Variants in LHX4 observed in about 807,000 individuals in gnomAD.
LHX4 encodes the protein LIM homeobox 4.
In LHX4, 16 loss-of-function variants were observed where a neutral mutation model predicts 39.2. That is an observed-to-expected ratio of 0.41 (90% confidence interval 0.28 to 0.62). The LOEUF is 0.62. Among genes scored for constraint, LHX4 ranks in the 20% least tolerant of loss-of-function variants. The pLI is 0.33. For synonymous variants in LHX4, 206 were observed against 198.1 expected (o/e 1.04, Z -0.33); for missense variants, 439 against 511.9 (o/e 0.86, Z 1.37).
chr1:180,274,866 G>A lies in LHX4; in HGVS notation c.*287G>A, dbSNP rs918065001. Reference sequence around the variant, plus strand: ...GTCTCTCCCCTGCTGTTCTGCTTAGGGGCTTGGCTGCTCAGTGCTTTGGTA... The same window carrying A: ...GTCTCTCCCCTGCTGTTCTGCTTAGAGGCTTGGCTGCTCAGTGCTTTGGTA... On this transcript the variant is annotated 3_prime_UTR_variant, in exon 6 of 6. Transcript: ENST00000263726. 8 of 327,024 alleles carry A rather than the reference G, an allele frequency of 2.4e-5. No homozygotes were observed. Among genetic ancestry groups the A allele is most frequent in the Non-Finnish European group, 4.5e-5 (8 of 178,410 alleles). 20.3% of individuals were successfully genotyped at this position (327,024 alleles called of 1,614,324 possible).
At chr1:180,247,820 A>G (rs1178178742) in intron 1 of LHX4, among the ~76,000 whole-genome samples, 7 of 152,098 alleles carry the variant, frequency 4.6e-5, no homozygotes, top group Non-Finnish European at 8.8e-5. Context: ...GCTTTTCAGG[A>G]CAGATGGCCT....
chr1:180,265,073 T>A (rs753509507), intron 2 of LHX4, among the ~76,000 whole-genome samples: 16 of 152,238 alleles, frequency 1.1e-4, no homozygotes, highest in Non-Finnish European at 1.8e-4. Flanking sequence ...CCTATCATTC[T>A]GCATTAATCT....
chr1:180,242,279 A>G (rs1249067421), intron 1 of LHX4, among the ~76,000 whole-genome samples: 4 of 150,376 alleles, frequency 2.7e-5, no homozygotes, highest in African/African-American at 9.8e-5. Context: ...GTGTGTGTGT[A>G]CATGTGAGTA....
At chr1:180,263,846 C>G (rs1648206743) in intron 2 of LHX4, among the ~76,000 whole-genome samples, 1 of 152,156 alleles carries the variant, frequency 6.6e-6, no homozygotes. Context: ...GGTCTTCCCT[C>G]TGTTCCGGGG....
At chr1:180,264,549 A>G (rs368404154) in intron 2 of LHX4, among the ~76,000 whole-genome samples, 1 of 152,288 alleles carries the variant, frequency 6.6e-6, no homozygotes, top group African/African-American at 2.4e-5. Context: ...TTTGTTCTAC[A>G]TCCTCAGGTT....
At chr1:180,238,043 G>A (rs1001665829) in intron 1 of LHX4, among the ~76,000 whole-genome samples, 20 of 152,094 alleles carry the variant, frequency 1.3e-4, no homozygotes, top group East Asian at 1.2e-3. Context: ...TACTAATTAC[G>A]TGACAATATA....
intron 2 of LHX4, among the ~76,000 whole-genome samples, chr1:180,258,883 T>G (rs66712875): frequency 6.6e-6 from 1 of 151,930 alleles, no homozygotes; most frequent in East Asian, 1.9e-4. Flanking sequence ...TGCTGACAGA[T>G]CAGATGGGGA....
In LHX4 at chr1:180,271,869, G is replaced by A. The variant is rs763867983; in HGVS notation, c.641G>A (p.Arg214His). ...WFQNRRAKEK[R>H]LKKDAGRHRW... ...CAGAACAGAAGGGCCAAAGAGAAAC[G>A]CCTGAAGAAGGATGCAGGGCGGCAC... The change falls in exon 5 of 6, where the codon CGC (arginine) becomes CAC (histidine). Residue 214 changes from arginine (R) to histidine (H), a missense_variant. Arg to His is a conservative substitution (Grantham distance 29). Transcript: ENST00000263726. 1.9e-6 allele frequency: 3 copies of A among 1,613,644 alleles called. No homozygotes were observed. The highest frequency in any genetic ancestry group is 1.3e-5 in the African/African-American group (1 of 74,788).
chr1:180,269,259 C>T (rs1388286978), intron 3 of LHX4, among the ~76,000 whole-genome samples: 2 of 152,132 alleles, frequency 1.3e-5, no homozygotes, highest in East Asian at 1.9e-4. Context: ...AGAACGCTCT[C>T]TCCTAAATTA....
At chr1:180,262,158 A>G (rs1319272306) in intron 2 of LHX4, among the ~76,000 whole-genome samples, 2 of 152,058 alleles carry the variant, frequency 1.3e-5, no homozygotes, top group African/African-American at 2.4e-5. Context: ...ACCATGAGAT[A>G]GGAGAGTCTC....
rs894843494 is a variant in LHX4, at chr1:180,234,977, C to T, written c.76+4372C>T. Among the ~76,000 whole-genome samples, 1 of 152,204 alleles carries T rather than the reference C, an allele frequency of 6.6e-6. No individual in the cohort carries two copies. The highest frequency in any genetic ancestry group is 1.5e-5 in the Non-Finnish European group (1 of 68,040). On this transcript the variant is annotated intron_variant, in intron 1 of 5. Coordinates refer to ENST00000263726, the MANE Select transcript of LHX4 (RefSeq NM_033343.4). The surrounding 1 kb of genome is among the most constrained non-coding windows in gnomAD (Gnocchi z 4.8). The stretch of plus-strand genomic sequence containing the variant: ...CTTTAAATGAGCGTTTGCTGCGCAC[C>T]CATGGGCGGCTCACGATCCTGGGCA...
chr1:180,233,313 C>T (rs1234388295), intron 1 of LHX4, among the ~76,000 whole-genome samples: 3 of 152,258 alleles, frequency 2.0e-5, no homozygotes, highest in African/African-American at 7.2e-5. Flanking sequence ...CGCGCCGTAG[C>T]CCTCCTGGTT....
chr1:180,259,367 G>C (rs1286922264), intron 2 of LHX4, among the ~76,000 whole-genome samples: 1 of 152,018 alleles, frequency 6.6e-6, no homozygotes, highest in Non-Finnish European at 1.5e-5. Flanking sequence ...TGAAGCTAAT[G>C]ACACAGAAGG....
chr1:180,238,971 T>C (rs1448364441), intron 1 of LHX4, among the ~76,000 whole-genome samples: 1 of 152,188 alleles, frequency 6.6e-6, no homozygotes, highest in Admixed American at 6.5e-5. Flanking sequence ...AAAAGGGGAA[T>C]TGTGACCAGA....
Position 180,230,382 on chromosome 1 carries a change from C to T in LHX4, c.-148C>T. On this transcript the variant is annotated 5_prime_UTR_variant, in exon 1 of 6. Coordinates refer to ENST00000263726, the MANE Select transcript of LHX4 (RefSeq NM_033343.4). The surrounding 1 kb of genome is among the most constrained non-coding windows in gnomAD (Gnocchi z 5.8). ...GAGGGGGCCGGCCAGCCTGTGGAGTCCTCCCTGAGAAGCGGAGGGCCCGGC... is the reference window on the plus strand; with the variant it reads ...GAGGGGGCCGGCCAGCCTGTGGAGTTCTCCCTGAGAAGCGGAGGGCCCGGC... 2.8e-6 allele frequency: 2 copies of T among 703,490 alleles called. No individual in the cohort carries two copies. The highest frequency in any genetic ancestry group is 5.1e-6 in the Non-Finnish European group (2 of 395,682). The allele number at this position is 703,490 out of a possible 1,614,324, so 43.6% of individuals were successfully genotyped here. A position where few individuals can be genotyped will look rare whatever the true frequency, so the allele number is the denominator to read the frequency against.
chr1:180,264,384 C>CACACACACATA (rs1648229313), intron 2 of LHX4, among the ~76,000 whole-genome samples: 2 of 140,238 alleles, frequency 1.4e-5, no homozygotes, highest in Non-Finnish European at 3.2e-5. Flanking sequence ...ACATAACACA[C>CACACACACATA]ACACACACAC....
chr1:180,253,083 C>G (rs989414630), intron 2 of LHX4, among the ~76,000 whole-genome samples: 1 of 152,126 alleles, frequency 6.6e-6, no homozygotes, highest in African/African-American at 2.4e-5. Context: ...AGTTCAGTGG[C>G]GGCTTCAAAC....
chr1:180,257,694 C>T (rs1456665296), intron 2 of LHX4, among the ~76,000 whole-genome samples: 4 of 152,222 alleles, frequency 2.6e-5, no homozygotes, highest in South Asian at 4.1e-4. Context: ...AAAAAATATA[C>T]GGCCAGCAGT....
intron 3 of LHX4, among the ~76,000 whole-genome samples, chr1:180,269,068 A>T (rs1648464894): frequency 6.6e-6 from 1 of 152,074 alleles, no homozygotes; most frequent in Non-Finnish European, 1.5e-5. Context: ...GACAAGTTCT[A>T]GGAGACCCTG....
Sources: gnomAD v4.1 joint callset for allele counts (sites outside exome capture counted in the v4.1 genomes callset) on GRCh38, gnomAD v4.1.1 for gene constraint, Gnocchi (gnomAD v3.1) non-coding constraint, MANE v1.5 for transcripts, NCBI Gene and HGNC (gene_info 2026-07-23, HGNC 2026-07-21) for gene names.